The following VPS13C variants were observed in gnomAD, a reference collection of about 807,000 sequenced individuals.
VPS13C encodes the protein intermembrane lipid transfer protein VPS13C.
A neutral mutation model predicts 456.8 loss-of-function variants in VPS13C; 358 were observed. The observed-to-expected ratio is 0.78, with a 90% CI of 0.72 to 0.86. The LOEUF (loss-of-function observed/expected upper bound fraction) is 0.86. Among genes scored for constraint, VPS13C ranks in the 40% least tolerant of loss-of-function variants. The probability of loss-of-function intolerance (pLI) is 0.00; values close to 1 mark genes in which losing one functional copy is unlikely to be tolerated. For missense variants in VPS13C, 4,818 were observed against 4,385.4 expected (o/e 1.10, Z -2.79); for synonymous variants, 1,578 against 1,486.7 (o/e 1.06, Z -1.41).
intron 61 of VPS13C, 108 bp from the exon 62 acceptor site, chr15:61,913,523 A>T: frequency 1.2e-6 from 1 of 864,772 alleles, no homozygotes; most frequent in Non-Finnish European, 1.8e-6. Flanking sequence ...ACCGTGGGAC[A>T]CAGAAATATA....
Position 61,904,272 on chromosome 15 carries a change from C to T in VPS13C, c.9105+2992G>A, listed in dbSNP as rs530640571. The stretch of plus-strand genomic sequence containing the variant: ...CAGAAAATATAAGGAACTCAAAACA[C>T]TCCACAAGCTTGGTGGAGTGTTTTG... On this transcript the variant is annotated intron_variant, in intron 66 of 84. Transcript: ENST00000644861. Among the ~76,000 whole-genome samples the T allele has an allele frequency of 3.3e-5, 5 of 150,494 alleles. No homozygotes were observed. The South Asian group carries it at 1.1e-3, about 32-fold the overall frequency.
rs941206950 is a variant in VPS13C at position 61,967,463 on chromosome 15, A to AG, written c.2912-17dup. The AG allele has an allele frequency of 3.9e-6, 6 of 1,555,064 alleles. No individual in the cohort carries two copies. In the African/African-American group the frequency reaches 7.0e-5, roughly 18 times the overall value. The stretch of plus-strand genomic sequence containing the variant: ...CTTTTGGATCCTAGATTAAAGAAAA[A>AG]GGAAAAAAAAGTGTTTCAAATAAAT... On this transcript the variant is annotated splice_polypyrimidine_tract_variant and intron_variant, in intron 28 of 84. Coordinates refer to ENST00000644861, the MANE Select transcript of VPS13C (RefSeq NM_020821.3).
chr15:62,006,315 T>G (rs901471799), intron 15 of VPS13C, among the ~76,000 whole-genome samples: 1 of 152,108 alleles, frequency 6.6e-6, no homozygotes, highest in Non-Finnish European at 1.5e-5. Context: ...CCATGTGTTC[T>G]CATTGTTCAA....
intron 66 of VPS13C, among the ~76,000 whole-genome samples, chr15:61,897,546 TAGAGAAAAA>T (rs2042864737): frequency 6.6e-6 from 1 of 151,882 alleles, no homozygotes; most frequent in African/African-American, 2.4e-5. Flanking sequence ...AAAGGAAGTT[TAGAGAAAAA>T]AGAGTAAAAA....
At chr15:61,890,002 G>A (rs78705182) in intron 67 of VPS13C, among the ~76,000 whole-genome samples, 163 bp downstream of exon 67, 1,752 of 152,004 alleles carry the variant, frequency 0.012, 44 homozygotes, top group African/African-American at 0.041. Flanking sequence ...CTATCCTCGG[G>A]GCTTTTCAAC....
At position 62,002,363 on chromosome 15, in the gene VPS13C, G is replaced by A. The variant is rs183739700; in HGVS notation, c.1291-1737C>T. On this transcript the variant is annotated intron_variant, in intron 15 of 84. Transcript: ENST00000644861. ...TGTCCTTTGCCCACTTTTTGATGGG[G>A]TTGTTTGTTTTTTTCTTGTAAATTT... Among the ~76,000 whole-genome samples the A allele has an allele frequency of 4.0e-3, 610 of 152,246 alleles. 6 individuals are homozygous for A. The highest frequency in any genetic ancestry group is 0.013 in the African/African-American group (542 of 41,524).
intron 6 of VPS13C, among the ~76,000 whole-genome samples, 181 bp downstream of exon 6, chr15:62,028,177 T>A (rs2047700049): frequency 6.6e-6 from 1 of 151,916 alleles, no homozygotes; most frequent in South Asian, 2.1e-4. Flanking sequence ...ACTCAAATAT[T>A]TAGTAAATGA....
At position 62,012,163 on chromosome 15, in the gene VPS13C, T is replaced by C; in HGVS notation, c.827A>G (p.Asp276Gly). The change falls in exon 12 of 85, where the codon GAT becomes GGT. Residue 276 changes from aspartate (D) to glycine (G), a missense_variant and splice_region_variant. Transcript: ENST00000644861. Reference protein sequence around the residue: ...SYQRSREQILDQLKNEILTSG... With the variant: ...SYQRSREQILGQLKNEILTSG... Reference sequence around the variant, plus strand: ...TGTAAGAATTTCATTTTTCAGCTGATCCTAAACAAAAAATTTGAATGAGAA... The same window carrying C: ...TGTAAGAATTTCATTTTTCAGCTGACCCTAAACAAAAAATTTGAATGAGAA... 1.3e-6 allele frequency: 2 copies of C among 1,539,128 alleles called. No homozygotes were observed. Among genetic ancestry groups the C allele is most frequent in the Non-Finnish European group, 8.9e-7 (1 of 1,117,358 alleles).
In VPS13C at chr15:61,882,740, G is replaced by A. The variant is rs1177885228; in HGVS notation, c.9484-4C>T. The A allele has an allele frequency of 6.3e-7, 1 of 1,582,104 alleles. No individual in the cohort carries two copies. The highest frequency in any genetic ancestry group is 8.6e-7 in the Non-Finnish European group (1 of 1,167,516). On this transcript the variant is annotated splice_polypyrimidine_tract_variant and splice_region_variant and intron_variant, in intron 68 of 84. Transcript: ENST00000644861. The stretch of plus-strand genomic sequence containing the variant: ...TTGGATCTTTATCAAAATTGACCTA[G>A]AAAAAAAGCACATGTTTTTGTGATG...
chr15:62,002,166 C>A (rs1221613687), intron 15 of VPS13C, among the ~76,000 whole-genome samples: 2 of 152,194 alleles, frequency 1.3e-5, no homozygotes, highest in Non-Finnish European at 2.9e-5. Context: ...TTCTCCACAT[C>A]CTCTCCAGCA....
In VPS13C at chr15:61,853,170, G is replaced by C. The variant is rs1032693513; in HGVS notation, c.*1287C>G. On this transcript the variant is annotated 3_prime_UTR_variant, in exon 85 of 85. Coordinates refer to ENST00000644861, the MANE Select transcript of VPS13C (RefSeq NM_020821.3). Reference sequence around the variant, plus strand: ...AGGGCCTGCTCCCTCACAGAACACAGTGTCATTATATATGCCTTATTTATA... The same window carrying C: ...AGGGCCTGCTCCCTCACAGAACACACTGTCATTATATATGCCTTATTTATA... 3.3e-5 allele frequency: 5 copies of C among 152,088 alleles called. No homozygotes were observed. Among genetic ancestry groups the C allele is most frequent in the Middle Eastern group, 3.2e-3 (1 of 316 alleles). 9.4% of individuals were successfully genotyped at this position (152,088 alleles called of 1,614,324 possible).
rs147581860 is a variant in VPS13C at position 61,882,613 on chromosome 15, T to C, written c.9607A>G (p.Arg3203Gly). 5 of 1,565,672 alleles carry C rather than the reference T, an allele frequency of 3.2e-6. No homozygotes were observed. The highest frequency in any genetic ancestry group is 2.3e-5 in the East Asian group (1 of 43,104). ...AATGTTACCTGAAGCCAGTACAACC[T>C]GGCCCTTAAACTTCTCTGGTGAGAA... ...QSSHQRSLRA[R>G]LYWLQVDNQL... The change falls in exon 69 of 85, where the codon AGG becomes GGG. Residue 3203 changes from arginine to glycine, a missense_variant. Arg to Gly is a moderately radical substitution (Grantham distance 125). Coordinates refer to ENST00000644861, the MANE Select transcript of VPS13C (RefSeq NM_020821.3).
chr15:61,906,646 C>T (rs2043160364), intron 66 of VPS13C: 1 of 152,918 alleles, frequency 6.5e-6, no homozygotes, highest in African/African-American at 2.4e-5. Context: ...ACTATTTAAA[C>T]TCTTTCATCA....
intron 31 of VPS13C, 107 bp downstream of exon 31, chr15:61,964,592 G>A: frequency 9.3e-7 from 1 of 1,076,318 alleles, no homozygotes; most frequent in Non-Finnish European, 1.3e-6. Context: ...GAAGAAAAGG[G>A]GAAAATGGTA....
rs1262175115 is a variant in VPS13C at position 61,852,744 on chromosome 15, GTT to G, written c.*1711_*1712del. 2 of 152,048 alleles carry G rather than the reference GTT, an allele frequency of 1.3e-5. No homozygotes were observed. Among genetic ancestry groups the G allele is most frequent in the Non-Finnish European group, 2.9e-5 (2 of 67,988 alleles). 9.4% of individuals were successfully genotyped at this position (152,048 alleles called of 1,614,324 possible). On this transcript the variant is annotated 3_prime_UTR_variant, in exon 85 of 85. Coordinates refer to ENST00000644861, the MANE Select transcript of VPS13C (RefSeq NM_020821.3). ...TATAGAAATTCAATTTAAGCAAGAA[GTT>G]TTATATATTATACTTTACAGAAAAA... is the stretch of plus-strand genomic sequence containing the variant.
intron 24 of VPS13C, among the ~76,000 whole-genome samples, chr15:61,974,876 G>A (rs1326212894): frequency 6.6e-6 from 1 of 152,072 alleles, no homozygotes; most frequent in African/African-American, 2.4e-5. Context: ...TCAGCTCCAT[G>A]AGGACATCTG....
intron 15 of VPS13C, among the ~76,000 whole-genome samples, chr15:62,004,661 G>A (rs1388769000): frequency 1.3e-5 from 2 of 151,694 alleles, no homozygotes; most frequent in African/African-American, 4.9e-5. Context: ...GGCATTTGGT[G>A]CTATAAATTT....
chr15:61,904,277 C>A (rs2043090302), intron 66 of VPS13C, among the ~76,000 whole-genome samples: 2 of 148,844 alleles, frequency 1.3e-5, no homozygotes, highest in African/African-American at 2.5e-5. Context: ...AAACACTCCA[C>A]AAGCTTGGTG....
In VPS13C at chr15:61,881,637, G is replaced by A; in HGVS notation, c.9707-5C>T. 1 of 1,612,224 alleles carries A rather than the reference G, an allele frequency of 6.2e-7. No homozygotes were observed. Among genetic ancestry groups the A allele is most frequent in the South Asian group, 1.1e-5 (1 of 90,832 alleles). ...CATCAATGAAAGGCTTGGGCTCTAA[G>A]AGGAAGAAGTAACACATAAAAAAAA... On this transcript the variant is annotated splice_region_variant and splice_polypyrimidine_tract_variant and intron_variant, in intron 70 of 84. Transcript: ENST00000644861.
Sources: gnomAD v4.1 joint callset for allele counts (sites outside exome capture counted in the v4.1 genomes callset) on GRCh38, gnomAD v4.1.1 for gene constraint, MANE v1.5 for transcripts, NCBI Gene and HGNC (gene_info 2026-07-23, HGNC 2026-07-21) for gene names.